The following ADARB2 variants were observed in gnomAD, a reference collection of about 807,000 sequenced individuals.
The protein encoded by ADARB2 is inactive double-stranded RNA-specific editase B2.
A neutral mutation model predicts 62.2 loss-of-function variants in ADARB2; 25 were observed. That is an observed-to-expected ratio of 0.40 (90% CI 0.29 to 0.56). The LOEUF (loss-of-function observed/expected upper bound fraction) is 0.56, where lower values mean the gene tolerates loss of function less well. ADARB2 is among the 20% of genes least tolerant of loss of function. The pLI, the probability that ADARB2 is intolerant of heterozygous loss-of-function variation, is 0.43. For missense variants in ADARB2, 1,071 were observed against 1,077.4 expected (o/e 0.99, Z 0.08); for synonymous variants, 572 against 500.8 (o/e 1.14, Z -1.90).
intron 1 of ADARB2, among the ~76,000 whole-genome samples, chr10:1,666,465 C>G (rs576118744): frequency 6.6e-6 from 1 of 152,224 alleles, no homozygotes; most frequent in Non-Finnish European, 1.5e-5. Flanking sequence ...AGACTGTGTT[C>G]CCCCAATCGT....
chr10:1,306,883 A>G (rs1831635033), intron 3 of ADARB2, among the ~76,000 whole-genome samples: 2 of 149,984 alleles, frequency 1.3e-5, no homozygotes, highest in Non-Finnish European at 3.0e-5. Context: ...AGCCATATGT[A>G]GAAAGCTGAA....
At chr10:1,569,913 A>G (rs1247591822) in intron 1 of ADARB2, among the ~76,000 whole-genome samples, 1 of 152,182 alleles carries the variant, frequency 6.6e-6, no homozygotes, top group Non-Finnish European at 1.5e-5. Context: ...GACAATTATT[A>G]TTTAAATCAA....
intron 3 of ADARB2, among the ~76,000 whole-genome samples, chr10:1,323,704 A>T (rs965639037): frequency 1.3e-5 from 2 of 152,214 alleles, no homozygotes; most frequent in Non-Finnish European, 2.9e-5. Flanking sequence ...GCCTTAAAAA[A>T]AAAAGTAAAC....
chr10:1,377,041 C>T (rs572995330), intron 2 of ADARB2, among the ~76,000 whole-genome samples: 18 of 115,916 alleles, frequency 1.6e-4, no homozygotes, highest in African/African-American at 4.5e-4. Context: ...TGTGTGTGTG[C>T]GCATGTGCTT....
intron 3 of ADARB2, among the ~76,000 whole-genome samples, chr10:1,316,920 G>T (rs958696898): frequency 2.6e-5 from 4 of 152,224 alleles, no homozygotes; most frequent in African/African-American, 9.6e-5. Flanking sequence ...TTGTGTGCGT[G>T]TGTCTGTGCA....
intron 1 of ADARB2, among the ~76,000 whole-genome samples, chr10:1,615,924 A>G (rs1188452422): frequency 6.6e-6 from 1 of 152,228 alleles, no homozygotes; most frequent in Non-Finnish European, 1.5e-5. Flanking sequence ...TCAATGGGAA[A>G]CTGTGACCCC....
At chr10:1,593,295 T>C (rs1190724304) in intron 1 of ADARB2, among the ~76,000 whole-genome samples, 9 of 144,696 alleles carry the variant, frequency 6.2e-5, no homozygotes, top group East Asian at 4.4e-4. Context: ...ATAGGTCTCC[T>C]CTCTGGCATG....
rs534622494 is a variant in ADARB2 at position 1,707,311 on chromosome 10, T to G, written c.100+29740A>C. Among the ~76,000 whole-genome samples the G allele has an allele frequency of 5.9e-5, 9 of 152,316 alleles. No homozygotes were observed. The South Asian group carries it at 1.9e-3, about 32-fold the overall frequency. On this transcript the variant is annotated intron_variant, in intron 1 of 9. Coordinates refer to ENST00000381312, the MANE Select transcript of ADARB2 (RefSeq NM_018702.4). ...CAGAGGGAAGACTCCGAAGGAGGAA[T>G]AGAGGGGTGTGTCCCACGGGGCTTC...
At chr10:1,721,614 T>C (rs890765719) in intron 1 of ADARB2, among the ~76,000 whole-genome samples, 1 of 152,240 alleles carries the variant, frequency 6.6e-6, no homozygotes, top group Non-Finnish European at 1.5e-5. Flanking sequence ...ATAAAGAATT[T>C]TATGCATTAT....
Position 1,295,037 on chromosome 10 carries a change from T to G in ADARB2, c.1078-23968A>C, listed in dbSNP as rs369181181. ...CTGGCTTCTGCGGGAACGGCCCACA[T>G]CCTTTCCTGGTGAAACATGTTGAAT... On this transcript the variant is annotated intron_variant, in intron 3 of 9. Transcript: ENST00000381312. 1.0e-3 allele frequency among the ~76,000 whole-genome samples: 153 copies of G among 152,304 alleles called. 3 individuals are homozygous for G. In the South Asian group the frequency reaches 0.022, roughly 22 times the overall value.
chr10:1,552,379 T>C (rs1325967817), intron 1 of ADARB2, among the ~76,000 whole-genome samples: 2 of 151,874 alleles, frequency 1.3e-5, no homozygotes, highest in African/African-American at 4.8e-5. Context: ...CCACGGGTGA[T>C]GCCTTTTAGA....
chr10:1,290,102 TG>T (rs1831451603), intron 3 of ADARB2: 2 of 152,234 alleles, frequency 1.3e-5, no homozygotes. Context: ...GGCTTTAAAA[TG>T]AAGGATCTGT....
At chr10:1,569,843 T>C (rs1036285072) in intron 1 of ADARB2, among the ~76,000 whole-genome samples, 2 of 152,244 alleles carry the variant, frequency 1.3e-5, no homozygotes, top group Non-Finnish European at 2.9e-5. Flanking sequence ...CCTAAAAGAA[T>C]GGCAGCATTT....
intron 1 of ADARB2, among the ~76,000 whole-genome samples, chr10:1,412,435 A>G (rs146016661): frequency 8.5e-5 from 13 of 152,224 alleles, no homozygotes; most frequent in African/African-American, 2.4e-4. Flanking sequence ...GGCTTTAGCT[A>G]TGTGAGGTTG....
intron 8 of ADARB2, among the ~76,000 whole-genome samples, chr10:1,185,464 G>A (rs1019761223): frequency 6.6e-6 from 1 of 151,890 alleles, no homozygotes; most frequent in African/African-American, 2.4e-5. Context: ...CAGCTCCCTG[G>A]CTCCCTCGGG....
chr10:1,417,868 C>T (rs1469271856), intron 1 of ADARB2, among the ~76,000 whole-genome samples: 1 of 152,242 alleles, frequency 6.6e-6, no homozygotes, highest in Non-Finnish European at 1.5e-5. Context: ...GCGCTGTGGG[C>T]CCCAAGGCAC....
chr10:1,377,459 TG>T (rs1460766089), intron 2 of ADARB2, among the ~76,000 whole-genome samples: 1 of 145,304 alleles, frequency 6.9e-6, no homozygotes, highest in Non-Finnish European at 1.5e-5. Context: ...CATATGTGTG[TG>T]TGTGCTCCTG....
intron 1 of ADARB2, chr10:1,678,396 G>A (rs1052529541): frequency 1.1e-6 from 1 of 941,036 alleles, no homozygotes; most frequent in African/African-American, 1.8e-5. Context: ...GAGTGTCCTT[G>A]GGGTGAGCGT....
chr10:1,324,720 AT>A (rs1448129815), intron 3 of ADARB2, among the ~76,000 whole-genome samples: 1 of 152,204 alleles, frequency 6.6e-6, no homozygotes, highest in Non-Finnish European at 1.5e-5. Context: ...GCCACCAGAT[AT>A]TAAAGTTATG....
Sources: gnomAD v4.1 joint callset for allele counts (sites outside exome capture counted in the v4.1 genomes callset) on GRCh38, gnomAD v4.1.1 for gene constraint, MANE v1.5 for transcripts, NCBI Gene and HGNC (gene_info 2026-07-23, HGNC 2026-07-21) for gene names.